Variants in CCDC171 observed in about 807,000 individuals in gnomAD.
CCDC171 encodes the protein coiled-coil domain containing 171, also known as coiled-coil domain-containing protein 171.
In CCDC171, 177 loss-of-function variants were observed where a neutral mutation model predicts 168.2. That is an observed-to-expected ratio of 1.05 (90% CI 0.93 to 1.19). The LOEUF (loss-of-function observed/expected upper bound fraction) is 1.19. CCDC171 is among the 50% of genes most tolerant of loss of function. The pLI, the probability that CCDC171 is intolerant of heterozygous loss-of-function variation, is 0.00. For missense variants in CCDC171, 1,991 were observed against 1,539.0 expected (o/e 1.29, Z -4.91); for synonymous variants, 687 against 540.8 (o/e 1.27, Z -3.75).
At chr9:15,666,464 A>C in intron 9 of CCDC171, 141 bp downstream of exon 9, 1 of 577,884 alleles carries the variant, frequency 1.7e-6, no homozygotes, top group Non-Finnish European at 3.0e-6. Context: ...TTCATAAAAC[A>C]TAACTATACT....
chr9:15,791,464 G>C (rs1462873408), intron 21 of CCDC171, among the ~76,000 whole-genome samples: 1 of 152,128 alleles, frequency 6.6e-6, no homozygotes, highest in African/African-American at 2.4e-5. Flanking sequence ...AGACTTTGCT[G>C]AAGTTGCTTA....
At chr9:15,920,512 C>G in intron 25 of CCDC171, 90 bp downstream of exon 25, 2 of 896,042 alleles carry the variant, frequency 2.2e-6, no homozygotes, top group Non-Finnish European at 3.3e-6. Flanking sequence ...GATCATTTGC[C>G]AATATATATA....
chr9:15,646,365 A>G (rs2047037797), intron 7 of CCDC171, among the ~76,000 whole-genome samples: 1 of 152,212 alleles, frequency 6.6e-6, no homozygotes, highest in Non-Finnish European at 1.5e-5. Context: ...ATAACCAGCT[A>G]ACATCATAAT....
intron 24 of CCDC171, among the ~76,000 whole-genome samples, chr9:15,877,604 C>G (rs952610103): frequency 2.0e-5 from 3 of 152,032 alleles, no homozygotes; most frequent in Admixed American, 6.6e-5. Context: ...GTTCCTGCAG[C>G]AAATTTAAAC....
rs536048292 is a variant in CCDC171, at chr9:15,732,309, T to A, written c.2049+2511T>A. Among the ~76,000 whole-genome samples the A allele has an allele frequency of 3.9e-5, 6 of 152,284 alleles. No individual in the cohort carries two copies. The South Asian group carries it at 1.2e-3, about 32-fold the overall frequency. ...GTTTCTTCTAGAAGTTTCATAGTTT[T>A]AGCTTTTACGTCTAAGTTTGTGATC... On this transcript the variant is annotated intron_variant, in intron 16 of 25. Transcript: ENST00000380701.
intron 21 of CCDC171, among the ~76,000 whole-genome samples, chr9:15,832,066 G>A (rs1389670813): frequency 6.6e-6 from 1 of 151,948 alleles, no homozygotes. Flanking sequence ...TTTCCTTAGG[G>A]TGTCTTTATT....
intron 24 of CCDC171, among the ~76,000 whole-genome samples, chr9:15,907,524 CTTAAATG>C (rs938660414): frequency 2.6e-5 from 4 of 152,142 alleles, no homozygotes; most frequent in African/African-American, 9.7e-5. Context: ...GGATTAAAGA[CTTAAATG>C]TTAGATTTAA....
At chr9:15,597,357 G>C (rs562579091) in intron 6 of CCDC171, among the ~76,000 whole-genome samples, 13 of 152,056 alleles carry the variant, frequency 8.5e-5, no homozygotes, top group South Asian at 2.1e-4. Context: ...TAGCATGAAG[G>C]GTTGCTGAAT....
chr9:15,928,654 T>G (rs1207872702), intron 25 of CCDC171, among the ~76,000 whole-genome samples: 1 of 151,766 alleles, frequency 6.6e-6, no homozygotes, highest in African/African-American at 2.4e-5. Flanking sequence ...TAAATACTTC[T>G]TAGTTAGATT....
At chr9:15,723,461 T>G (rs901269696) in intron 12 of CCDC171, among the ~76,000 whole-genome samples, 6 of 152,242 alleles carry the variant, frequency 3.9e-5, no homozygotes, top group Non-Finnish European at 8.8e-5. Context: ...TTGAATGCTT[T>G]CTTTTCTTTT....
chr9:15,655,997 C>T (rs567603696), intron 7 of CCDC171, among the ~76,000 whole-genome samples: 17 of 152,242 alleles, frequency 1.1e-4, no homozygotes, highest in East Asian at 9.7e-4. Flanking sequence ...TTGGCACCAT[C>T]GCTTTGGAAA....
intron 8 of CCDC171, among the ~76,000 whole-genome samples, chr9:15,663,505 A>G (rs1038957958): frequency 5.3e-5 from 8 of 152,006 alleles, no homozygotes; most frequent in African/African-American, 1.9e-4. Context: ...AATGTAGCAT[A>G]CTATATACGC....
intron 23 of CCDC171, among the ~76,000 whole-genome samples, chr9:15,857,394 A>G (rs2130909071): frequency 6.6e-6 from 1 of 152,002 alleles, no homozygotes; most frequent in African/African-American, 2.4e-5. Flanking sequence ...CATTGTAAAT[A>G]GATTTTTTTT....
chr9:15,925,254 T>G (rs1825762984), intron 25 of CCDC171, among the ~76,000 whole-genome samples: 1 of 151,564 alleles, frequency 6.6e-6, no homozygotes, highest in South Asian at 2.1e-4. Context: ...GAGTAAAACA[T>G]TTTCAGAGTC....
chr9:15,753,928 G>T (rs2055925710), intron 18 of CCDC171, among the ~76,000 whole-genome samples: 1 of 152,122 alleles, frequency 6.6e-6, no homozygotes, highest in East Asian at 1.9e-4. Context: ...ACCCTCTCTG[G>T]ATATAACTTG....
rs774049935 is a variant in CCDC171 at position 15,623,254 on chromosome 9, A to C, written c.676-13A>C. ...TATAAACTTTATTGATGCAAAAATG[A>C]ATTATTTTCCAGGAGCAAGATACTG... On this transcript the variant is annotated splice_polypyrimidine_tract_variant and intron_variant, in intron 6 of 25. Coordinates refer to ENST00000380701, the MANE Select transcript of CCDC171 (RefSeq NM_173550.4). The C allele has an allele frequency of 2.6e-6, 4 of 1,544,834 alleles. No individual in the cohort carries two copies. Among genetic ancestry groups the C allele is most frequent in the Non-Finnish European group, 3.5e-6 (4 of 1,141,112 alleles).
intron 21 of CCDC171, among the ~76,000 whole-genome samples, chr9:15,836,858 A>T (rs1021823516): frequency 6.6e-6 from 1 of 152,234 alleles, no homozygotes; most frequent in Admixed American, 6.5e-5. Flanking sequence ...ACGGGAGAAT[A>T]TACTTTCCCC....
chr9:15,757,520 T>G (rs1365856507), intron 18 of CCDC171, among the ~76,000 whole-genome samples: 1 of 152,196 alleles, frequency 6.6e-6, no homozygotes, highest in Non-Finnish European at 1.5e-5. Flanking sequence ...GTTCAGAGAA[T>G]GTGCAGCCTG....
In CCDC171 at chr9:15,661,296, A is replaced by AAAAAAAAAAAAC. The variant is rs1564160074; in HGVS notation, c.915+4081_915+4082insAAAAAAACAAAA. On this transcript the variant is annotated intron_variant, in intron 8 of 25. Coordinates refer to ENST00000380701, the MANE Select transcript of CCDC171 (RefSeq NM_173550.4). Reference sequence around the variant, plus strand: ...CTCCGTCTCAAAAAAAAAAAAAAAAAAAAAGTAACATGCTGTTTTTTGACT... The same window carrying AAAAAAAAAAAAC: ...CTCCGTCTCAAAAAAAAAAAAAAAAAAAAAAAAAAAACAAAAGTAACATGCTGTTTTTTGACT... 2.1e-5 allele frequency among the ~76,000 whole-genome samples: 3 copies of AAAAAAAAAAAAC among 141,500 alleles called. 1 individual carries two copies. The highest frequency in any genetic ancestry group is 4.6e-5 in the Non-Finnish European group (3 of 65,342). 92.8% of individuals were successfully genotyped at this position (141,500 alleles called of 152,430 possible). A position where few individuals can be genotyped will look rare whatever the true frequency, so the allele number is the denominator to read the frequency against.
Sources: gnomAD v4.1 joint callset for allele counts (sites outside exome capture counted in the v4.1 genomes callset) on GRCh38, gnomAD v4.1.1 for gene constraint, MANE v1.5 for transcripts, NCBI Gene and HGNC (gene_info 2026-07-23, HGNC 2026-07-21) for gene names.